Variants in GABARAPL2 observed in about 807,000 individuals in gnomAD.
GABARAPL2 encodes gamma-aminobutyric acid receptor-associated protein-like 2.
In GABARAPL2, 11 loss-of-function variants were observed where a neutral mutation model predicts 16.9. The observed-to-expected ratio is 0.65, with a 90% CI of 0.41 to 1.08. The LOEUF (loss-of-function observed/expected upper bound fraction) is 1.08, where lower values mean the gene tolerates loss of function less well. GABARAPL2 is among the 50% of genes least tolerant of loss of function. The pLI, the probability that GABARAPL2 is intolerant of heterozygous loss-of-function variation, is 0.00. For synonymous variants in GABARAPL2, 57 were observed against 50.7 expected, an observed-to-expected ratio of 1.12 and a Z score of -0.53; for missense variants, 134 against 142.5, an observed-to-expected ratio of 0.94 and a Z score of 0.30.
At chr16:75,576,396 T>A (rs2080949735) in intron 3 of GABARAPL2, 1 of 152,222 alleles carries the variant, frequency 6.6e-6, no homozygotes, top group Non-Finnish European at 1.5e-5. Flanking sequence ...CTCCTTATCT[T>A]CCCCACTGGC....
intron 2 of GABARAPL2, 60 bp from the exon 3 acceptor site, chr16:75,567,977 C>G (rs970137038): frequency 7.4e-7 from 1 of 1,343,752 alleles, no homozygotes; most frequent in African/African-American, 1.4e-5. Flanking sequence ...GCTCCTCAGC[C>G]ATGTGAGGCC....
chr16:75,570,540 G>A (rs2080908601), intron 3 of GABARAPL2, among the ~76,000 whole-genome samples: 2 of 152,156 alleles, frequency 1.3e-5, no homozygotes, highest in Non-Finnish European at 2.9e-5. Flanking sequence ...ACGAATTCAG[G>A]CCTGCAGGAG....
At chr16:75,577,084 A>G (rs1335173475) in intron 3 of GABARAPL2, 195 bp from the exon 4 acceptor site, 2 of 508,550 alleles carry the variant, frequency 3.9e-6, no homozygotes, top group Admixed American at 3.3e-5. Context: ...GAGGATGTCA[A>G]ATGGCTTTGC....
chr16:75,571,387 T>G (rs911046554), intron 3 of GABARAPL2, among the ~76,000 whole-genome samples: 7 of 152,222 alleles, frequency 4.6e-5, no homozygotes, highest in African/African-American at 1.4e-4. Flanking sequence ...AAGGAAGTTG[T>G]GATGTTTTGG....
In GABARAPL2 at chr16:75,566,525, G is replaced by A. The variant is rs1350555297; in HGVS notation, c.34+5G>A. On this transcript the variant is annotated splice_donor_5th_base_variant and intron_variant, in intron 1 of 3. Coordinates refer to ENST00000037243, the MANE Select transcript of GABARAPL2 (RefSeq NM_007285.7). Reference sequence around the variant, plus strand: ...TCAAGGAGGACCACTCGCTGGGTAAGCACTTGGTCGTCGGCCCGGCTGCTG... The same window carrying A: ...TCAAGGAGGACCACTCGCTGGGTAAACACTTGGTCGTCGGCCCGGCTGCTG... 3.7e-6 allele frequency: 6 copies of A among 1,608,314 alleles called. No homozygotes were observed. The highest frequency in any genetic ancestry group is 5.1e-6 in the Non-Finnish European group (6 of 1,178,100).
intron 3 of GABARAPL2, chr16:75,576,733 T>C (rs960822840): frequency 6.5e-6 from 1 of 153,324 alleles, no homozygotes; most frequent in Non-Finnish European, 1.5e-5. Context: ...GTTTGAAGAG[T>C]ATCTATTTTT....
chr16:75,575,130 G>A (rs1470176237), intron 3 of GABARAPL2, among the ~76,000 whole-genome samples: 1 of 152,104 alleles, frequency 6.6e-6, no homozygotes, highest in Non-Finnish European at 1.5e-5. Context: ...AGATTCTGAT[G>A]TGCAGCCAAG....
intron 3 of GABARAPL2, 168 bp downstream of exon 3, chr16:75,568,377 A>AT: frequency 2.0e-6 from 1 of 490,960 alleles, no homozygotes; most frequent in Non-Finnish European, 3.7e-6. Context: ...TGCAATACAT[A>AT]AGAGTGCATT....
Position 75,577,471 on chromosome 16 carries a change from G to A in GABARAPL2, c.*102G>A. 1.4e-6 allele frequency: 1 copy of A among 723,496 alleles called. No individual in the cohort carries two copies. Among genetic ancestry groups the A allele is most frequent in the South Asian group, 1.5e-5 (1 of 64,626 alleles). 44.8% of individuals were successfully genotyped at this position (723,496 alleles called of 1,614,324 possible). On this transcript the variant is annotated 3_prime_UTR_variant, in exon 4 of 4. Coordinates refer to ENST00000037243, the MANE Select transcript of GABARAPL2 (RefSeq NM_007285.7). ...AGAACCTCTTCACATAGACCTATTAGTGCATTTGTAACTGGATTTATTTCT... is the reference window on the plus strand; with the variant it reads ...AGAACCTCTTCACATAGACCTATTAATGCATTTGTAACTGGATTTATTTCT...
At chr16:75,570,101 T>G (rs1048151544) in intron 3 of GABARAPL2, among the ~76,000 whole-genome samples, 4 of 152,042 alleles carry the variant, frequency 2.6e-5, no homozygotes, top group African/African-American at 9.7e-5. Context: ...TTCTCAGAAG[T>G]AATTTTTTTT....
At chr16:75,566,657 C>G in intron 1 of GABARAPL2, 137 bp downstream of exon 1, 1 of 1,070,268 alleles carries the variant, frequency 9.3e-7, no homozygotes, top group Non-Finnish European at 1.4e-6. Flanking sequence ...GCCCTGGTGC[C>G]TCGGGCAGCG....
intron 2 of GABARAPL2, 142 bp downstream of exon 2, chr16:75,567,049 G>A: frequency 1.4e-6 from 1 of 726,418 alleles, no homozygotes; most frequent in Non-Finnish European, 2.4e-6. Context: ...GGATGAGGCC[G>A]CCCAGGGCCG....
In GABARAPL2 at chr16:75,577,341, A is replaced by G; in HGVS notation, c.326A>G (p.Tyr109Cys). 1 of 1,611,832 alleles carries G rather than the reference A, an allele frequency of 6.2e-7. No homozygotes were observed. The highest frequency in any genetic ancestry group is 1.1e-5 in the South Asian group (1 of 91,024). ...GAAGATGGATTCTTATATGTGGCCTACAGCGGAGAGAACACTTTTGGCTTC... is the reference window on the plus strand; with the variant it reads ...GAAGATGGATTCTTATATGTGGCCTGCAGCGGAGAGAACACTTTTGGCTTC... ...KDEDGFLYVA[Y>C]SGENTFGF Residue 109 changes from tyrosine (Y) to cysteine (C), a missense_variant, in exon 4 of 4, where the codon TAC becomes TGC. Coordinates refer to ENST00000037243, the MANE Select transcript of GABARAPL2 (RefSeq NM_007285.7).
chr16:75,567,777 T>C (rs1331957263), intron 2 of GABARAPL2, among the ~76,000 whole-genome samples: 2 of 152,180 alleles, frequency 1.3e-5, no homozygotes, highest in African/African-American at 4.8e-5. Flanking sequence ...CCAGATAAAA[T>C]GTGGAAAAGC....
chr16:75,572,148 G>C (rs1035411918), intron 3 of GABARAPL2: 3 of 152,126 alleles, frequency 2.0e-5, no homozygotes, highest in African/African-American at 7.2e-5. Context: ...GGTGACATGA[G>C]TGAAACTGTC....
At chr16:75,570,551 C>T (rs2080908631) in intron 3 of GABARAPL2, among the ~76,000 whole-genome samples, 1 of 152,106 alleles carries the variant, frequency 6.6e-6, no homozygotes, top group African/African-American at 2.4e-5. Context: ...CCTGCAGGAG[C>T]CCTCCCTCTC....
chr16:75,569,424 C>T (rs1597058155), intron 3 of GABARAPL2, among the ~76,000 whole-genome samples: 1 of 152,346 alleles, frequency 6.6e-6, no homozygotes, highest in East Asian at 1.9e-4. Flanking sequence ...CCATGGGGCT[C>T]TTCTAACCTT....
intron 3 of GABARAPL2, among the ~76,000 whole-genome samples, chr16:75,574,957 G>T (rs1356587008): frequency 1.3e-5 from 2 of 152,024 alleles, no homozygotes; most frequent in Non-Finnish European, 2.9e-5. Context: ...TGTTTGAACC[G>T]GAAGGTGGAG....
rs377528908 is a variant in GABARAPL2, at chr16:75,572,345, G to C, written c.263+4136G>C. 5 of 152,416 alleles carry C rather than the reference G, an allele frequency of 3.3e-5. No homozygotes were observed. The East Asian group carries it at 7.7e-4, about 24-fold the overall frequency. 9.4% of individuals were successfully genotyped at this position (152,416 alleles called of 1,614,324 possible). The stretch of plus-strand genomic sequence containing the variant: ...TGGAGAAGAGATAATCCAAGGTCCA[G>C]TGGAAGCGCGTGGACTCCAAAGCAG... On this transcript the variant is annotated intron_variant, in intron 3 of 3. Transcript: ENST00000037243.
Sources: gnomAD v4.1 joint callset for allele counts (sites outside exome capture counted in the v4.1 genomes callset) on GRCh38, gnomAD v4.1.1 for gene constraint, MANE v1.5 for transcripts, NCBI Gene and HGNC (gene_info 2026-07-23, HGNC 2026-07-21) for gene names.